TOX3: variants seen among roughly 807,000 people sequenced by gnomAD.
TOX3 encodes the protein CAG trinucleotide repeat-containing gene F9 protein.
A neutral mutation model predicts 64.3 loss-of-function variants in TOX3; 22 were observed. The ratio of observed to expected loss-of-function variants is 0.34; its 90% confidence interval spans 0.24 to 0.49. The LOEUF is 0.49. Among genes scored for constraint, TOX3 ranks in the 20% least tolerant of loss-of-function variants. The pLI, the probability that TOX3 is intolerant of heterozygous loss-of-function variation, is 0.99. For missense variants in TOX3, 661 were observed against 714.4 expected, an observed-to-expected ratio of 0.93 and a Z score of 0.85; for synonymous variants, 291 against 273.6, an observed-to-expected ratio of 1.06 and a Z score of -0.63.
At chr16:52,473,785 T>A (rs1038490238) in intron 1 of TOX3, among the ~76,000 whole-genome samples, 9 of 152,080 alleles carry the variant, frequency 5.9e-5, no homozygotes, top group African/African-American at 1.4e-4. Flanking sequence ...ACACCAAAGG[T>A]TGGAGGTTCA....
intron 1 of TOX3, among the ~76,000 whole-genome samples, chr16:52,504,871 G>A (rs1390219542): frequency 6.6e-6 from 1 of 152,066 alleles, no homozygotes; most frequent in African/African-American, 2.4e-5. Flanking sequence ...GTCTTGCTCT[G>A]TTGCCCAGGC....
chr16:52,481,464 A>G (rs560191707), intron 1 of TOX3, among the ~76,000 whole-genome samples: 15 of 152,330 alleles, frequency 9.8e-5, no homozygotes, highest in Non-Finnish European at 1.9e-4. Flanking sequence ...TCCAGTCTTA[A>G]TCATATTTGA....
intron 1 of TOX3, among the ~76,000 whole-genome samples, chr16:52,535,173 C>T: frequency 6.6e-6 from 1 of 152,196 alleles, no homozygotes; most frequent in East Asian, 1.9e-4. Flanking sequence ...AGAAGGGTTT[C>T]TCAGACCTCA....
At chr16:52,539,861 T>G (rs981944913) in intron 1 of TOX3, among the ~76,000 whole-genome samples, 1 of 152,186 alleles carries the variant, frequency 6.6e-6, no homozygotes, top group Non-Finnish European at 1.5e-5. Flanking sequence ...CGTTTCTGCT[T>G]CCTCTTTCTG....
At chr16:52,513,092 T>C (rs892268902) in intron 1 of TOX3, among the ~76,000 whole-genome samples, 2 of 152,156 alleles carry the variant, frequency 1.3e-5, no homozygotes, top group African/African-American at 4.8e-5. Flanking sequence ...CAACTGACTC[T>C]TTGGGGAGCT....
intron 1 of TOX3, among the ~76,000 whole-genome samples, chr16:52,480,379 G>A (rs1004789925): frequency 2.6e-5 from 4 of 152,154 alleles, no homozygotes; most frequent in South Asian, 2.1e-4. Flanking sequence ...GCCAGACTTC[G>A]TAGTTCTTGC....
chr16:52,527,360 C>A (rs1465710942), intron 1 of TOX3, among the ~76,000 whole-genome samples: 2 of 152,122 alleles, frequency 1.3e-5, no homozygotes. Flanking sequence ...ATTGGTGGTG[C>A]TTTAACAATT....
chr16:52,547,550 T>C (rs1488503550), upstream of TOX3: 5 of 151,786 alleles, frequency 3.3e-5, no homozygotes, highest in African/African-American at 1.2e-4. Context: ...TTCCTGTCGC[T>C]TTCCTCCCCA....
intron 1 of TOX3, among the ~76,000 whole-genome samples, chr16:52,477,777 A>G (rs1200545132): frequency 1.3e-5 from 2 of 152,222 alleles, no homozygotes; most frequent in Admixed American, 6.5e-5. Context: ...TATTTGCCAC[A>G]TCACAGGGGT....
chr16:52,536,627 CTATA>C (rs57164139), intron 1 of TOX3, among the ~76,000 whole-genome samples: 1,125 of 34,104 alleles, frequency 0.033, 29 homozygotes, highest in Middle Eastern at 0.053. Context: ...TAGATATACA[CTATA>C]TATATATATA....
At position 52,507,248 on chromosome 16, in the gene TOX3, C is replaced by T. The variant is rs186454187; in HGVS notation, c.88-38674G>A. ...TTGTATCACAGCAAACAAGGAGATC[C>T]TGTGTAAAAGAAATTATCAAAATTG... On this transcript the variant is annotated intron_variant, in intron 1 of 6. Coordinates refer to ENST00000219746, the MANE Select transcript of TOX3 (RefSeq NM_001080430.4). Among the ~76,000 whole-genome samples the T allele has an allele frequency of 1.8e-4, 28 of 152,234 alleles. No individual in the cohort carries two copies. In the East Asian group the frequency reaches 5.2e-3, roughly 28 times the overall value.
chr16:52,463,879 A>T (rs1426161815), intron 3 of TOX3, 55 bp downstream of exon 3: 71 of 1,472,204 alleles, frequency 4.8e-5, no homozygotes, highest in Non-Finnish European at 6.1e-5. Flanking sequence ...TCAGATCTTT[A>T]CTATGATTTG....
chr16:52,540,036 C>G (rs1373219065), intron 1 of TOX3, among the ~76,000 whole-genome samples: 8 of 152,032 alleles, frequency 5.3e-5, no homozygotes, highest in Admixed American at 3.9e-4. Context: ...CTCAAAAGGT[C>G]AGATCAATCT....
At chr16:52,461,732 G>A (rs1477199529) in intron 3 of TOX3, among the ~76,000 whole-genome samples, 1 of 152,110 alleles carries the variant, frequency 6.6e-6, no homozygotes, top group African/African-American at 2.4e-5. Flanking sequence ...GAAGCTGAAT[G>A]CATGACGTAT....
intron 1 of TOX3, among the ~76,000 whole-genome samples, chr16:52,514,421 G>T (rs1210622182): frequency 6.6e-6 from 1 of 152,054 alleles, no homozygotes; most frequent in African/African-American, 2.4e-5. Flanking sequence ...TATGAGTTTT[G>T]AGCCCAACTG....
intron 1 of TOX3, among the ~76,000 whole-genome samples, chr16:52,468,965 G>C (rs1300449288): frequency 6.6e-6 from 1 of 152,154 alleles, no homozygotes; most frequent in African/African-American, 2.4e-5. Context: ...TAGTTTTCAA[G>C]AACAGATGTC....
chr16:52,449,128 C>T (rs1459548363), intron 4 of TOX3, among the ~76,000 whole-genome samples: 3 of 152,166 alleles, frequency 2.0e-5, no homozygotes, highest in Admixed American at 6.5e-5. Context: ...AATTAATTTC[C>T]TTTTCTTTGG....
At chr16:52,532,084 G>A (rs746153035) in intron 1 of TOX3, among the ~76,000 whole-genome samples, 13 of 152,240 alleles carry the variant, frequency 8.5e-5, no homozygotes, top group South Asian at 4.2e-4. Flanking sequence ...ACAGGGAAGC[G>A]GTCATAGCCT....
intron 6 of TOX3, among the ~76,000 whole-genome samples, chr16:52,441,487 A>G (rs1959986689): frequency 6.6e-6 from 1 of 152,198 alleles, no homozygotes; most frequent in Admixed American, 6.5e-5. Flanking sequence ...TACATTTTGT[A>G]CTAAAAACAC....
Sources: gnomAD v4.1 joint callset for allele counts (sites outside exome capture counted in the v4.1 genomes callset) on GRCh38, gnomAD v4.1.1 for gene constraint, MANE v1.5 for transcripts, NCBI Gene and HGNC (gene_info 2026-07-23, HGNC 2026-07-21) for gene names.